Variants in MPP7 observed in about 807,000 individuals in gnomAD.
The protein encoded by MPP7 is MAGUK p55 subfamily member 7.
A neutral mutation model predicts 76.5 loss-of-function variants in MPP7; 60 were observed. The ratio of observed to expected loss-of-function variants is 0.78; its 90% CI spans 0.64 to 0.97. The LOEUF is 0.97. Ranked by LOEUF, MPP7 falls within the 50% of genes least tolerant of loss-of-function variation. MPP7 has a pLI of 0.00. For synonymous variants in MPP7, 237 were observed against 244.5 expected, an observed-to-expected ratio of 0.97 and a Z score of 0.29; for missense variants, 641 against 694.0, an observed-to-expected ratio of 0.92 and a Z score of 0.86.
chr10:28,237,695 T>C (rs78927505), intron 2 of MPP7, among the ~76,000 whole-genome samples: 260 of 152,334 alleles, frequency 1.7e-3, no homozygotes, highest in African/African-American at 6.1e-3. Flanking sequence ...TTGAGAGCTA[T>C]ATCAACCAAA....
intron 2 of MPP7, among the ~76,000 whole-genome samples, chr10:28,207,411 T>C (rs1042867341): frequency 4.6e-5 from 7 of 152,086 alleles, no homozygotes; most frequent in African/African-American, 1.7e-4. Context: ...AAGGTTATAT[T>C]GGGGGCTGGG....
intron 2 of MPP7, among the ~76,000 whole-genome samples, chr10:28,327,334 AT>A (rs1302340055): frequency 1.3e-5 from 2 of 151,976 alleles, no homozygotes; most frequent in Non-Finnish European, 2.9e-5. Context: ...CTCGTTTCAA[AT>A]TCATTGGACT....
intron 11 of MPP7, among the ~76,000 whole-genome samples, chr10:28,114,364 A>G (rs1347917779): frequency 6.6e-6 from 1 of 152,134 alleles, no homozygotes; most frequent in Non-Finnish European, 1.5e-5. Context: ...GTCAGCTATG[A>G]TGGTGCCACT....
intron 1 of MPP7, among the ~76,000 whole-genome samples, chr10:28,277,784 G>A (rs767268033): frequency 1.3e-5 from 2 of 152,008 alleles, no homozygotes; most frequent in East Asian, 1.9e-4. Context: ...AGAGATTATC[G>A]CACAAGAGAA....
chr10:28,110,724 C>G (rs1377098333), intron 11 of MPP7, among the ~76,000 whole-genome samples: 1 of 151,998 alleles, frequency 6.6e-6, no homozygotes, highest in African/African-American at 2.4e-5. Flanking sequence ...ATATTTTAGG[C>G]CTCTTTCTTG....
intron 3 of MPP7, among the ~76,000 whole-genome samples, chr10:28,194,849 T>G: frequency 6.6e-6 from 1 of 152,180 alleles, no homozygotes; most frequent in Non-Finnish European, 1.5e-5. Flanking sequence ...TAAACCTTAA[T>G]GTAGATAATG....
rs1416372758 is a variant in MPP7 at position 28,103,197 on chromosome 10, A to G, written c.953-13356T>C. Among the ~76,000 whole-genome samples, 3 of 146,722 alleles carry G rather than the reference A, an allele frequency of 2.0e-5. No homozygotes were observed. The Admixed American group carries it at 2.0e-4, about 10-fold the overall frequency. Reference sequence around the variant, plus strand: ...TTGCACACACTGTGGGGGCCTGTACACATGCATCCTGTCTCAGGGCCTTTG... The same window carrying G: ...TTGCACACACTGTGGGGGCCTGTACGCATGCATCCTGTCTCAGGGCCTTTG... On this transcript the variant is annotated intron_variant, in intron 11 of 16. Coordinates refer to ENST00000683449, the MANE Select transcript of MPP7 (RefSeq NM_001318170.2).
intron 12 of MPP7, among the ~76,000 whole-genome samples, chr10:28,082,458 TTCC>T (rs960192334): frequency 1.3e-5 from 2 of 151,014 alleles, no homozygotes; most frequent in African/African-American, 4.9e-5. Flanking sequence ...TTCCTTATCC[TTCC>T]TCCTCCTCCT....
upstream of MPP7, among the ~76,000 whole-genome samples, chr10:28,303,633 C>T (rs909694866): frequency 1.3e-5 from 2 of 151,956 alleles, no homozygotes; most frequent in African/African-American, 4.8e-5. Flanking sequence ...TTTTTGTGTT[C>T]CATATTGAAC....
intron 2 of MPP7, among the ~76,000 whole-genome samples, chr10:28,235,294 T>C (rs1318251726): frequency 6.6e-6 from 1 of 152,092 alleles, no homozygotes. Context: ...TTTCTCCAAA[T>C]GAAATGAATT....
upstream of MPP7, among the ~76,000 whole-genome samples, chr10:28,307,101 T>C (rs559960816): frequency 1.2e-4 from 18 of 152,286 alleles, no homozygotes; most frequent in East Asian, 3.1e-3. Flanking sequence ...GAAGACACAC[T>C]GGGCAGATTA....
chr10:28,185,062 T>A (rs1291634273), intron 3 of MPP7, among the ~76,000 whole-genome samples: 2 of 147,794 alleles, frequency 1.4e-5, no homozygotes, highest in Non-Finnish European at 3.0e-5. Context: ...GGTACAGTGG[T>A]TTATGCCTGT....
chr10:28,253,467 G>C (rs1443318489), intron 1 of MPP7, among the ~76,000 whole-genome samples: 1 of 152,064 alleles, frequency 6.6e-6, no homozygotes, highest in Non-Finnish European at 1.5e-5. Flanking sequence ...CTCCAGGTTT[G>C]GATTAATCAG....
intron 11 of MPP7, among the ~76,000 whole-genome samples, chr10:28,115,251 T>C (rs1201986723): frequency 6.6e-6 from 1 of 152,010 alleles, no homozygotes. Flanking sequence ...TACAGGCATG[T>C]GCCACCACGC....
At chr10:28,131,049 G>C (rs956291585) in intron 6 of MPP7, among the ~76,000 whole-genome samples, 1 of 151,872 alleles carries the variant, frequency 6.6e-6, no homozygotes, top group Non-Finnish European at 1.5e-5. Flanking sequence ...GAGCTACTTG[G>C]ACATAAAATA....
chr10:28,302,754 C>G (rs1841193911), intron 1 of MPP7, among the ~76,000 whole-genome samples, 107 bp downstream of exon 1: 2 of 152,214 alleles, frequency 1.3e-5, no homozygotes, highest in Admixed American at 1.3e-4. Flanking sequence ...AGGACCGCGG[C>G]ACCGCTCGGC....
chr10:28,120,398 A>G lies in MPP7; in HGVS notation c.691-8T>C. 1 of 1,604,218 alleles carries G rather than the reference A, an allele frequency of 6.2e-7. No individual in the cohort carries two copies. Among genetic ancestry groups the G allele is most frequent in the Non-Finnish European group, 8.5e-7 (1 of 1,176,004 alleles). ...GAGGGCTTTGATAAACATCTGGAAGAAAAGTTTCATTAAAGATGAATAAAG... is the reference window on the plus strand; with the variant it reads ...GAGGGCTTTGATAAACATCTGGAAGGAAAGTTTCATTAAAGATGAATAAAG... On this transcript the variant is annotated splice_region_variant and splice_polypyrimidine_tract_variant and intron_variant, in intron 9 of 16. Transcript: ENST00000683449.
At chr10:28,225,010 T>C (rs1838642663) in intron 2 of MPP7, among the ~76,000 whole-genome samples, 1 of 152,184 alleles carries the variant, frequency 6.6e-6, no homozygotes, top group African/African-American at 2.4e-5. Context: ...TAAAGAATAG[T>C]GATTTATTCT....
intron 3 of MPP7, among the ~76,000 whole-genome samples, chr10:28,179,408 T>C (rs1836986272): frequency 6.6e-6 from 1 of 152,170 alleles, no homozygotes; most frequent in East Asian, 1.9e-4. Context: ...CGTGTCTGTT[T>C]TTCACCATTG....
Sources: gnomAD v4.1 joint callset for allele counts (sites outside exome capture counted in the v4.1 genomes callset) on GRCh38, gnomAD v4.1.1 for gene constraint, MANE v1.5 for transcripts, NCBI Gene and HGNC (gene_info 2026-07-23, HGNC 2026-07-21) for gene names.